The following ERC1 variants were observed in gnomAD, a reference collection of about 807,000 sequenced individuals.
ERC1 encodes RAB6 interacting protein 2.
A neutral mutation model predicts 132.0 loss-of-function variants in ERC1; 56 were observed. That is an observed-to-expected ratio of 0.42 (90% CI 0.34 to 0.53). The LOEUF is 0.53. Among genes scored for constraint, ERC1 ranks in the 20% least tolerant of loss-of-function variants. The pLI is 0.03. For synonymous variants in ERC1, 478 were observed against 476.1 expected (o/e 1.00, Z -0.05); for missense variants, 1,202 against 1,349.9 (o/e 0.89, Z 1.72).
intron 18 of ERC1, among the ~76,000 whole-genome samples, chr12:1,470,415 T>G (rs954822253): frequency 2.0e-5 from 3 of 152,012 alleles, no homozygotes; most frequent in African/African-American, 7.2e-5. Context: ...CAGCATTAGG[T>G]TTCTTATTAG....
chr12:1,155,907 T>C (rs942039169), intron 8 of ERC1, among the ~76,000 whole-genome samples: 6 of 151,828 alleles, frequency 4.0e-5, no homozygotes, highest in Non-Finnish European at 7.4e-5. Context: ...CCAAAACATA[T>C]GGAGTGAAAT....
At chr12:1,082,216 C>T (rs975107442) in intron 2 of ERC1, among the ~76,000 whole-genome samples, 3 of 151,818 alleles carry the variant, frequency 2.0e-5, no homozygotes, top group Non-Finnish European at 2.9e-5. Context: ...TTAGTGGAGA[C>T]GGGGTTTTAC....
Position 1,090,857 on chromosome 12 carries a change from GTTGTTGTTGTTATTATTA to G in ERC1, c.1086+7280_1086+7297del, listed in dbSNP as rs1943067100. On this transcript the variant is annotated intron_variant, in intron 3 of 18. Coordinates refer to ENST00000360905, the MANE Select transcript of ERC1 (RefSeq NM_178040.4). ...CATTATTATTATTATTGTTGTTGTT[GTTGTTGTTGTTATTATTA>G]TTATTATTATTATTATTATTATTAT... Among the ~76,000 whole-genome samples, 6 of 49,566 alleles carry G rather than the reference GTTGTTGTTGTTATTATTA, an allele frequency of 1.2e-4. 3 individuals carry two copies. Among genetic ancestry groups the G allele is most frequent in the African/African-American group, 3.6e-4 (4 of 11,110 alleles). The allele number at this position is 49,566 out of a possible 152,430, so 32.5% of individuals were successfully genotyped here. A position where few individuals can be genotyped will look rare whatever the true frequency, so the allele number is the denominator to read the frequency against.
In ERC1 at chr12:1,349,902, A is replaced by G. The variant is rs1246511051; in HGVS notation, c.2781-21931A>G. On this transcript the variant is annotated intron_variant, in intron 15 of 18. Coordinates refer to ENST00000360905, the MANE Select transcript of ERC1 (RefSeq NM_178040.4). ...TTGGTTTAAAGTACATGTAATTTAC[A>G]TAAAATAGCACTGACTGCAGCCTAG... is the stretch of plus-strand genomic sequence containing the variant. Among the ~76,000 whole-genome samples the G allele has an allele frequency of 2.6e-5, 4 of 152,228 alleles. 1 individual carries two copies. Among genetic ancestry groups the G allele is most frequent in the Admixed American group, 2.6e-4 (4 of 15,284 alleles).
intron 18 of ERC1, among the ~76,000 whole-genome samples, chr12:1,447,728 C>T (rs990821839): frequency 6.6e-6 from 1 of 151,986 alleles, no homozygotes; most frequent in Non-Finnish European, 1.5e-5. Context: ...CAGCTCACTG[C>T]AAGCTCCACC....
intron 15 of ERC1, among the ~76,000 whole-genome samples, chr12:1,318,808 G>C (rs763734609): frequency 2.0e-5 from 3 of 152,024 alleles, no homozygotes; most frequent in Non-Finnish European, 4.4e-5. Flanking sequence ...TTGGCACTGA[G>C]CTGCAGAGCG....
intron 17 of ERC1, 174 bp from the exon 18 acceptor site, chr12:1,444,388 C>T: frequency 1.9e-6 from 1 of 533,942 alleles, no homozygotes; most frequent in Non-Finnish European, 3.2e-6. Flanking sequence ...AAATGTGTGA[C>T]AGTATGTGAA....
At chr12:1,329,317 G>C (rs1376986931) in intron 15 of ERC1, among the ~76,000 whole-genome samples, 2 of 143,944 alleles carry the variant, frequency 1.4e-5, no homozygotes. Flanking sequence ...AGAAAGAAAA[G>C]TCTTAGAAAA....
intron 1 of ERC1, among the ~76,000 whole-genome samples, chr12:1,018,504 C>T (rs1025611187): frequency 1.3e-5 from 2 of 152,222 alleles, no homozygotes; most frequent in Non-Finnish European, 2.9e-5. Context: ...CGTGAGCCAC[C>T]ACACCCAGCC....
intron 1 of ERC1, chr12:1,020,781 G>A (rs1966239175): frequency 6.6e-6 from 1 of 152,178 alleles, no homozygotes; most frequent in South Asian, 2.1e-4. Flanking sequence ...TTAAGAGTTA[G>A]TCATGAAAGT....
At chr12:1,438,746 A>G (rs2093013617) in intron 17 of ERC1, among the ~76,000 whole-genome samples, 1 of 152,110 alleles carries the variant, frequency 6.6e-6, no homozygotes, top group African/African-American at 2.4e-5. Context: ...GTTAAAGACC[A>G]GCCTAGGCAA....
At chr12:1,434,170 C>T (rs1565430138) in intron 17 of ERC1, among the ~76,000 whole-genome samples, 2 of 152,002 alleles carry the variant, frequency 1.3e-5, no homozygotes, top group Admixed American at 6.6e-5. Flanking sequence ...TCTAAACACC[C>T]GTAATATATT....
chr12:1,074,864 T>G (rs1941074429), intron 2 of ERC1, among the ~76,000 whole-genome samples: 1 of 152,114 alleles, frequency 6.6e-6, no homozygotes, highest in Non-Finnish European at 1.5e-5. Flanking sequence ...GAAAATAACT[T>G]TGGTTAGTAA....
chr12:1,392,393 T>C (rs1391861957), intron 16 of ERC1, among the ~76,000 whole-genome samples: 1 of 152,232 alleles, frequency 6.6e-6, no homozygotes, highest in Non-Finnish European at 1.5e-5. Flanking sequence ...AAAATGTATG[T>C]TCTGGGCTTA....
At chr12:1,058,789 G>GTTTTTTT (rs33992098) in intron 2 of ERC1, among the ~76,000 whole-genome samples, 4 of 129,848 alleles carry the variant, frequency 3.1e-5, no homozygotes, top group South Asian at 2.4e-4. Flanking sequence ...TGGAAAGTAT[G>GTTTTTTT]TTTTTTTTTT....
intron 2 of ERC1, among the ~76,000 whole-genome samples, chr12:1,043,362 A>G (rs1970587203): frequency 6.6e-6 from 1 of 152,062 alleles, no homozygotes; most frequent in South Asian, 2.1e-4. Flanking sequence ...TATTTTCAAG[A>G]GATGAAGCAG....
intron 7 of ERC1, among the ~76,000 whole-genome samples, chr12:1,125,579 G>A (rs571143838): frequency 1.3e-5 from 2 of 152,226 alleles, no homozygotes; most frequent in Non-Finnish European, 2.9e-5. Flanking sequence ...ACTTTGGGAG[G>A]CTGAGGCAGG....
chr12:1,253,691 G>T (rs561309398), intron 13 of ERC1, among the ~76,000 whole-genome samples: 1 of 152,194 alleles, frequency 6.6e-6, no homozygotes, highest in African/African-American at 2.4e-5. Flanking sequence ...AAAAAAAAAG[G>T]CAGTGGAGGG....
chr12:1,138,182 A>G lies in ERC1; in HGVS notation c.1570-3438A>G, dbSNP rs1440777853. ...TAATATATATAATTGTATATAATAT[A>G]TATCATATATAATTATATATGATAT... On this transcript the variant is annotated intron_variant, in intron 7 of 18. Coordinates refer to ENST00000360905, the MANE Select transcript of ERC1 (RefSeq NM_178040.4). 6.0e-5 allele frequency among the ~76,000 whole-genome samples: 6 copies of G among 100,504 alleles called. 1 individual carries two copies. The South Asian group carries it at 1.5e-3, about 24-fold the overall frequency. 65.9% of individuals were successfully genotyped at this position (100,504 alleles called of 152,430 possible). A position where few individuals can be genotyped will look rare whatever the true frequency, so the allele number is the denominator to read the frequency against.
Sources: gnomAD v4.1 joint callset for allele counts (sites outside exome capture counted in the v4.1 genomes callset) on GRCh38, gnomAD v4.1.1 for gene constraint, MANE v1.5 for transcripts, NCBI Gene and HGNC (gene_info 2026-07-23, HGNC 2026-07-21) for gene names.